The following BRF1 variants were observed in gnomAD, a reference collection of about 807,000 sequenced individuals.
The protein encoded by BRF1 is transcription factor IIIB 90 kDa subunit.
BRF1 carries 59 observed loss-of-function variants against 81.7 expected under a neutral mutation model. That is an observed-to-expected ratio of 0.72 (90% CI 0.59 to 0.90). The LOEUF (loss-of-function observed/expected upper bound fraction) is 0.90. BRF1 is among the 40% of genes least tolerant of loss of function. BRF1 has a pLI of 0.00. For missense variants in BRF1, 1,050 were observed against 936.3 expected, an observed-to-expected ratio of 1.12 and a Z score of -1.58; for synonymous variants, 491 against 395.6, an observed-to-expected ratio of 1.24 and a Z score of -2.86.
chr14:105,312,376 C>A (rs587718502), intron 1 of BRF1, among the ~76,000 whole-genome samples: 60 of 152,348 alleles, frequency 3.9e-4, no homozygotes, highest in African/African-American at 1.4e-3. Flanking sequence ...CCGGGCAGCA[C>A]GTGGTAGGAC....
chr14:105,256,160 G>A lies in BRF1; in HGVS notation c.471+358C>T, dbSNP rs1333682231. On this transcript the variant is annotated intron_variant, in intron 4 of 17. Transcript: ENST00000547530. ...AAATAAATAAAATGCAAGGTCAAAA[G>A]AAATAATCTCCTATACCAAACTAGG... 8 of 1,480,928 alleles carry A rather than the reference G, an allele frequency of 5.4e-6. No individual in the cohort carries two copies. In the East Asian group the frequency reaches 7.6e-5, roughly 14 times the overall value. 91.7% of individuals were successfully genotyped at this position (1,480,928 alleles called of 1,614,324 possible).
At chr14:105,280,482 A>G (rs1029919824) in intron 2 of BRF1, among the ~76,000 whole-genome samples, 29 of 152,248 alleles carry the variant, frequency 1.9e-4, no homozygotes, top group African/African-American at 6.5e-4. Context: ...AACCCATAGA[A>G]CACGCACCGC....
rs2056568541 is a variant in BRF1 at position 105,269,519 on chromosome 14, C to T, written c.439+3202G>A. Among the ~76,000 whole-genome samples, 1 of 152,124 alleles carries T rather than the reference C, an allele frequency of 6.6e-6. No homozygotes were observed. The highest frequency in any genetic ancestry group is 2.4e-5 in the African/African-American group (1 of 41,394). On this transcript the variant is annotated intron_variant, in intron 3 of 17. Transcript: ENST00000547530. This position sits in a 1 kb window ranked among gnomAD's most constrained non-coding sequence, Gnocchi z 5.0. Reference sequence around the variant, plus strand: ...ATCTAATTTTAGAATGCGTGGGGGACACGGGGTGGCTTCCTGGATGCTGCC... The same window carrying T: ...ATCTAATTTTAGAATGCGTGGGGGATACGGGGTGGCTTCCTGGATGCTGCC...
chr14:105,280,143 T>C (rs587633231), intron 2 of BRF1, among the ~76,000 whole-genome samples: 1 of 152,316 alleles, frequency 6.6e-6, no homozygotes, highest in East Asian at 1.9e-4. Context: ...CAGATTCCCT[T>C]CAGCAAGCAG....
intron 3 of BRF1, among the ~76,000 whole-genome samples, chr14:105,257,465 C>A (rs2055937604): frequency 6.6e-6 from 1 of 152,200 alleles, no homozygotes; most frequent in Admixed American, 6.5e-5. Context: ...CAACTCCATG[C>A]AGAACAGCAA....
At chr14:105,286,534 A>G (rs587681703) in intron 1 of BRF1, among the ~76,000 whole-genome samples, 158 bp from the exon 2 acceptor site, 22 of 152,310 alleles carry the variant, frequency 1.4e-4, no homozygotes, top group Non-Finnish European at 2.9e-4. Context: ...CTGAGCCAGG[A>G]ACCCCAGTGG....
chr14:105,279,292 A>G (rs2056973042), intron 2 of BRF1, among the ~76,000 whole-genome samples: 1 of 152,202 alleles, frequency 6.6e-6, no homozygotes, highest in Admixed American at 6.6e-5. Flanking sequence ...TGGGAGGAGG[A>G]TTCGAAACAT....
At chr14:105,293,617 C>T (rs587742046) in intron 1 of BRF1, among the ~76,000 whole-genome samples, 1 of 152,206 alleles carries the variant, frequency 6.6e-6, no homozygotes, top group African/African-American at 2.4e-5. Flanking sequence ...CTCAGTGGAG[C>T]AGACGGCCTC....
intron 3 of BRF1, among the ~76,000 whole-genome samples, chr14:105,256,838 G>A (rs2055900960): frequency 6.6e-6 from 1 of 152,138 alleles, no homozygotes; most frequent in Non-Finnish European, 1.5e-5. Context: ...CAGAAACGGT[G>A]GGGGCTTCCA....
chr14:105,240,969 C>T (rs1356469243), intron 6 of BRF1, among the ~76,000 whole-genome samples: 2 of 152,220 alleles, frequency 1.3e-5, no homozygotes, highest in Non-Finnish European at 2.9e-5. Context: ...CCCACGAGAC[C>T]ACGGGCAGGG....
At chr14:105,314,309 G>A (rs2058451351) in intron 1 of BRF1, 1 of 152,102 alleles carries the variant, frequency 6.6e-6, no homozygotes, top group Non-Finnish European at 1.5e-5. Flanking sequence ...GCGGGGTGGA[G>A]GCGGGAAAGT....
chr14:105,220,009 C>G, intron 12 of BRF1, 60 bp downstream of exon 12: 2 of 1,596,356 alleles, frequency 1.3e-6, no homozygotes, highest in Non-Finnish European at 1.7e-6. Context: ...ACTCAGGGCT[C>G]CTTGGGCTGC....
At chr14:105,219,128 G>C (rs1414211389) in intron 13 of BRF1, 23 bp downstream of exon 13, 1 of 1,612,928 alleles carries the variant, frequency 6.2e-7, no homozygotes, top group Non-Finnish European at 8.5e-7. Context: ...TCCTGCGTGT[G>C]AGTGTGGGCG....
intron 14 of BRF1, 89 bp from the exon 15 acceptor site, chr14:105,217,889 CG>C: frequency 1.3e-6 from 2 of 1,549,846 alleles, no homozygotes; most frequent in Non-Finnish European, 8.7e-7. Context: ...GGAGTGCAGG[CG>C]GGTGAGGCCT....
intron 4 of BRF1, among the ~76,000 whole-genome samples, chr14:105,252,807 G>C (rs2055684999): frequency 6.6e-6 from 1 of 152,204 alleles, no homozygotes; most frequent in African/African-American, 2.4e-5. Flanking sequence ...TCTCGCCAAT[G>C]ATGGCATCTG....
At position 105,221,497 on chromosome 14, in the gene BRF1, G is replaced by C. The variant is rs1056840899; in HGVS notation, c.1315+151C>G. On this transcript the variant is annotated intron_variant, in intron 11 of 17. Coordinates refer to ENST00000547530, the MANE Select transcript of BRF1 (RefSeq NM_001519.4). ...CTGACGCCCACACAGCCCCATTGGG[G>C]GGACTGGTGGTGCCACCACCCAAGC... is the stretch of plus-strand genomic sequence containing the variant. 1.3e-4 allele frequency: 147 copies of C among 1,111,770 alleles called. No homozygotes were observed. The Middle Eastern group carries it at 4.2e-3, about 31-fold the overall frequency. 68.9% of individuals were successfully genotyped at this position (1,111,770 alleles called of 1,614,324 possible).
intron 2 of BRF1, among the ~76,000 whole-genome samples, chr14:105,285,113 G>A (rs2057267076): frequency 6.6e-6 from 1 of 152,172 alleles, no homozygotes; most frequent in Admixed American, 6.5e-5. Context: ...ACATATTAAC[G>A]CAATCCCCGT....
At chr14:105,226,407 C>A in intron 8 of BRF1, 117 bp from the exon 9 acceptor site, 1 of 1,490,790 alleles carries the variant, frequency 6.7e-7, no homozygotes, top group Non-Finnish European at 9.3e-7. Flanking sequence ...GGGTACGCAG[C>A]GATGGAGGTG....
intron 13 of BRF1, 36 bp downstream of exon 13, chr14:105,219,115 G>A (rs1284858409): frequency 1.2e-6 from 2 of 1,613,666 alleles, no homozygotes; most frequent in African/African-American, 1.3e-5. Context: ...TGGGGACTGT[G>A]CGTCCTGCGT....
Sources: gnomAD v4.1 joint callset for allele counts (sites outside exome capture counted in the v4.1 genomes callset) on GRCh38, gnomAD v4.1.1 for gene constraint, Gnocchi (gnomAD v3.1) non-coding constraint, MANE v1.5 for transcripts, NCBI Gene and HGNC (gene_info 2026-07-23, HGNC 2026-07-21) for gene names.